The following AGBL1 variants were observed in gnomAD, a reference collection of about 807,000 sequenced individuals.
AGBL1 encodes cytosolic carboxypeptidase 4.
A neutral mutation model predicts 118.9 loss-of-function variants in AGBL1; 130 were observed. That is an observed-to-expected ratio of 1.09 (90% CI 0.95 to 1.26). AGBL1 has a LOEUF of 1.26. Among genes scored for constraint, AGBL1 ranks in the 50% most tolerant of loss-of-function variants. The pLI is 0.00. For missense variants in AGBL1, 1,584 were observed against 1,298.1 expected (o/e 1.22, Z -3.38); for synonymous variants, 555 against 478.9 (o/e 1.16, Z -2.08).
At chr15:86,210,828 G>A (rs1355561132) in intron 5 of AGBL1, among the ~76,000 whole-genome samples, 1 of 152,166 alleles carries the variant, frequency 6.6e-6, no homozygotes, top group Admixed American at 6.5e-5. Context: ...GAGCTCGTCA[G>A]TGTCATTCTC....
At chr15:86,464,088 C>T (rs1300764141) in intron 18 of AGBL1, among the ~76,000 whole-genome samples, 1 of 152,100 alleles carries the variant, frequency 6.6e-6, no homozygotes, top group Non-Finnish European at 1.5e-5. Flanking sequence ...GATTGGTTTT[C>T]CATTTGTTTG....
intron 22 of AGBL1, among the ~76,000 whole-genome samples, chr15:86,684,719 C>T (rs758407680): frequency 8.9e-4 from 136 of 152,044 alleles, no homozygotes; most frequent in Non-Finnish European, 1.6e-3. Flanking sequence ...GAATCTATGG[C>T]GTTGTCTTAA....
chr15:86,801,310 C>CATCTGTCTATCTATCTATCT (rs1555451584), intron 22 of AGBL1, among the ~76,000 whole-genome samples: 7 of 147,314 alleles, frequency 4.8e-5, no homozygotes, highest in African/African-American at 1.5e-4. Flanking sequence ...TTGATGATTA[C>CATCTGTCTATCTATCTATCT]ATCTATCTAT....
intron 5 of AGBL1, among the ~76,000 whole-genome samples, chr15:86,172,539 G>A (rs571473463): frequency 2.6e-5 from 4 of 151,950 alleles, no homozygotes; most frequent in Admixed American, 6.6e-5. Context: ...ACTATCATTC[G>A]ACTTTCATCC....
At chr15:86,331,971 T>C (rs2080277206) in intron 17 of AGBL1, among the ~76,000 whole-genome samples, 1 of 152,180 alleles carries the variant, frequency 6.6e-6, no homozygotes, top group Non-Finnish European at 1.5e-5. Flanking sequence ...TTAAAAGGCA[T>C]AGTGTGGCAA....
At chr15:86,184,093 A>G (rs2077590722) in intron 5 of AGBL1, among the ~76,000 whole-genome samples, 1 of 152,242 alleles carries the variant, frequency 6.6e-6, no homozygotes, top group Non-Finnish European at 1.5e-5. Context: ...TTATTGATAG[A>G]GATGTGATTT....
intron 22 of AGBL1, among the ~76,000 whole-genome samples, chr15:86,775,220 C>G (rs79582164): frequency 0.087 from 13,272 of 152,110 alleles, 801 homozygotes; most frequent in Non-Finnish European, 0.12. Flanking sequence ...TGGCGATAAA[C>G]CAGACAGAAA....
intron 18 of AGBL1, among the ~76,000 whole-genome samples, chr15:86,433,643 G>A (rs147369290): frequency 1.4e-4 from 22 of 152,238 alleles, no homozygotes; most frequent in Middle Eastern, 3.4e-3. Flanking sequence ...GGCATGCACT[G>A]TGTGGCAATT....
chr15:86,183,872 G>A (rs545112163), intron 5 of AGBL1, among the ~76,000 whole-genome samples: 1 of 152,294 alleles, frequency 6.6e-6, no homozygotes, highest in African/African-American at 2.4e-5. Context: ...AAGAGGGAAC[G>A]TGGAAAATGA....
intron 16 of AGBL1, among the ~76,000 whole-genome samples, chr15:86,282,922 T>A (rs1397212228): frequency 6.6e-6 from 1 of 152,242 alleles, no homozygotes. Context: ...GTATGTTGAA[T>A]GTTTTTCAAC....
At chr15:86,493,269 C>T (rs1055651433) in intron 18 of AGBL1, among the ~76,000 whole-genome samples, 3 of 151,918 alleles carry the variant, frequency 2.0e-5, no homozygotes, top group South Asian at 4.2e-4. Flanking sequence ...ACGGTGATCA[C>T]GTGTTTTAGA....
intron 23 of AGBL1, among the ~76,000 whole-genome samples, chr15:86,929,233 A>G (rs1451011211): frequency 3.9e-5 from 6 of 152,238 alleles, no homozygotes; most frequent in Non-Finnish European, 7.3e-5. Context: ...TCTGATGTAA[A>G]TAGCAATAGT....
chr15:86,399,087 T>C (rs1262273748), intron 18 of AGBL1, among the ~76,000 whole-genome samples: 1 of 152,186 alleles, frequency 6.6e-6, no homozygotes, highest in Non-Finnish European at 1.5e-5. Flanking sequence ...GATTGGCCTT[T>C]AAGCACATGG....
chr15:86,454,515 G>T (rs1370136912), intron 18 of AGBL1, among the ~76,000 whole-genome samples: 2 of 152,096 alleles, frequency 1.3e-5, no homozygotes, highest in African/African-American at 4.8e-5. Flanking sequence ...TCAACAGATG[G>T]ATGAATAAGC....
chr15:86,221,347 A>G (rs1022826340), intron 5 of AGBL1, among the ~76,000 whole-genome samples: 2 of 152,224 alleles, frequency 1.3e-5, no homozygotes, highest in South Asian at 4.1e-4. Context: ...TCACGCACTC[A>G]ATACAATGGG....
chr15:86,302,318 A>C (rs1046443789), intron 17 of AGBL1, among the ~76,000 whole-genome samples: 1 of 152,178 alleles, frequency 6.6e-6, no homozygotes, highest in Non-Finnish European at 1.5e-5. Context: ...GAAAGACAGT[A>C]ATTATTACAC....
intron 22 of AGBL1, among the ~76,000 whole-genome samples, chr15:86,768,980 A>G (rs1169670091): frequency 1.3e-5 from 2 of 151,998 alleles, no homozygotes; most frequent in East Asian, 1.9e-4. Context: ...GCTAGATAAC[A>G]TAGACCCCTG....
At chr15:86,775,635 T>C (rs1422763869) in intron 22 of AGBL1, among the ~76,000 whole-genome samples, 8 of 152,130 alleles carry the variant, frequency 5.3e-5, no homozygotes, top group African/African-American at 1.9e-4. Context: ...GATTCAAAAG[T>C]CTATTTAAAA....
intron 19 of AGBL1, among the ~76,000 whole-genome samples, chr15:86,534,414 C>G (rs1280082798): frequency 2.0e-5 from 3 of 152,178 alleles, no homozygotes; most frequent in African/African-American, 7.2e-5. Flanking sequence ...AATCTGTAGG[C>G]CTATGATCTC....
Sources: gnomAD v4.1 joint callset for allele counts (sites outside exome capture counted in the v4.1 genomes callset) on GRCh38, gnomAD v4.1.1 for gene constraint, MANE v1.5 for transcripts, NCBI Gene and HGNC (gene_info 2026-07-23, HGNC 2026-07-21) for gene names.